Variants in FAT3 observed in about 807,000 individuals in gnomAD.
The protein encoded by FAT3 is protocadherin Fat 3.
In FAT3, 95 loss-of-function variants were observed where a neutral mutation model predicts 310.2. The observed-to-expected ratio is 0.31, with a 90% CI of 0.26 to 0.36. FAT3 has a LOEUF of 0.36. FAT3 is among the 10% of genes least tolerant of loss of function. FAT3 has a pLI of 1.00. For missense variants in FAT3, 5,408 were observed against 5,715.6 expected (o/e 0.95, Z 1.74); for synonymous variants, 2,314 against 2,192.9 (o/e 1.06, Z -1.54).
intron 2 of FAT3, among the ~76,000 whole-genome samples, chr11:92,439,631 A>C (rs1191579241): frequency 6.6e-6 from 1 of 152,062 alleles, no homozygotes; most frequent in East Asian, 1.9e-4. Context: ...TAGACCTGCT[A>C]AAGGCCAGGC....
intron 2 of FAT3, among the ~76,000 whole-genome samples, chr11:92,359,586 G>A (rs1045505884): frequency 1.3e-4 from 20 of 148,694 alleles, no homozygotes; most frequent in Non-Finnish European, 2.2e-4. Flanking sequence ...CCACTAACTC[G>A]TCATCTAGCC....
At chr11:92,363,203 G>A (rs1948924742) in intron 2 of FAT3, among the ~76,000 whole-genome samples, 1 of 152,130 alleles carries the variant, frequency 6.6e-6, no homozygotes, top group African/African-American at 2.4e-5. Context: ...TAGTTCAATT[G>A]AAGAACTGTT....
chr11:92,844,429 A>G lies in FAT3; in HGVS notation c.11062A>G (p.Ile3688Val), dbSNP rs912895935. ...LTQKQDSLRI[I>V]SIQPVAGTNQ... ...CCAGAAGCAGGACAGCCTGCGCATC[A>G]TCAGCATCCAGCCCGTGGCAGGCAC... The change falls in exon 19 of 28, where the codon ATC becomes GTC. Residue 3688 changes from isoleucine (I) to valine (V), a missense_variant. Ile to Val is a conservative substitution (Grantham distance 29). Coordinates refer to ENST00000525166, the MANE Select transcript of FAT3 (RefSeq NM_001367949.2). 13 of 1,613,906 alleles carry G rather than the reference A, an allele frequency of 8.1e-6. No homozygotes were observed. Among genetic ancestry groups the G allele is most frequent in the African/African-American group, 1.3e-5 (1 of 74,946 alleles).
intron 2 of FAT3, among the ~76,000 whole-genome samples, chr11:92,513,785 G>GT (rs1953386725): frequency 1.3e-5 from 2 of 152,134 alleles, no homozygotes; most frequent in African/African-American, 4.8e-5. Context: ...TTTTAAGATT[G>GT]TTTTTAATGG....
chr11:92,731,369 A>G lies in FAT3; in HGVS notation c.3670-30487A>G, dbSNP rs185476027. On this transcript the variant is annotated intron_variant, in intron 4 of 27. Coordinates refer to ENST00000525166, the MANE Select transcript of FAT3 (RefSeq NM_001367949.2). ...AAAAGGATGGTGCCAGCCATCCTACAGGACAGCCCCCACAACAAAATTATA... is the reference window on the plus strand; with the variant it reads ...AAAAGGATGGTGCCAGCCATCCTACGGGACAGCCCCCACAACAAAATTATA... Among the ~76,000 whole-genome samples, 609 of 152,294 alleles carry G rather than the reference A, an allele frequency of 4.0e-3. 3 individuals are homozygous for G. The highest frequency in any genetic ancestry group is 5.5e-3 in the Non-Finnish European group (371 of 68,028).
rs1446605660 is a variant in FAT3 at position 92,844,374 on chromosome 11, C to A, written c.11007C>A (p.Phe3669Leu). 4 of 1,613,920 alleles carry A rather than the reference C, an allele frequency of 2.5e-6. No homozygotes were observed. The highest frequency in any genetic ancestry group is 3.4e-6 in the Non-Finnish European group (4 of 1,179,908). Residue 3669 changes from phenylalanine to leucine, a missense_variant, in exon 19 of 28, where the codon TTC becomes TTA. Phe to Leu is a conservative substitution (Grantham distance 22). This residue lies in a region of FAT3 where 4,588 missense variants were observed against 4,809.8 expected (regional missense o/e 0.95). Coordinates refer to ENST00000525166, the MANE Select transcript of FAT3 (RefSeq NM_001367949.2). ...TCGTGGGGCTGCACATGCATGGGTTCCGGCGCACCCTGCGGAATGCAGTCC... is the reference window on the plus strand; with the variant it reads ...TCGTGGGGCTGCACATGCATGGGTTACGGCGCACCCTGCGGAATGCAGTCC... Reference protein sequence around the residue: ...EDFVGLHMHGFRRTLRNAVLT... With the variant: ...EDFVGLHMHGLRRTLRNAVLT...
At chr11:92,686,033 T>G (rs1943626937) in intron 3 of FAT3, among the ~76,000 whole-genome samples, 1 of 152,178 alleles carries the variant, frequency 6.6e-6, no homozygotes, top group Non-Finnish European at 1.5e-5. Flanking sequence ...ATAAAATAAT[T>G]GCTGTGTTAC....
At chr11:92,773,991 T>C in intron 6 of FAT3, 50 bp from the exon 7 acceptor site, 1 of 1,602,916 alleles carries the variant, frequency 6.2e-7, no homozygotes, top group Non-Finnish European at 8.5e-7. Flanking sequence ...ATATAATGCA[T>C]GTAACAAGTT....
chr11:92,623,240 C>T (rs1478273947), intron 3 of FAT3, among the ~76,000 whole-genome samples: 1 of 152,174 alleles, frequency 6.6e-6, no homozygotes, highest in Non-Finnish European at 1.5e-5. Context: ...AGAAGGTATG[C>T]TTCCCCCAGT....
intron 2 of FAT3, among the ~76,000 whole-genome samples, chr11:92,479,159 G>A (rs949623580): frequency 3.4e-5 from 5 of 148,756 alleles, no homozygotes; most frequent in Admixed American, 1.4e-4. Context: ...GTATCACCAC[G>A]GCCAGCTATT....
At chr11:92,779,500 G>A (rs935158450) in intron 7 of FAT3, among the ~76,000 whole-genome samples, 3 of 151,964 alleles carry the variant, frequency 2.0e-5, no homozygotes, top group Non-Finnish European at 4.4e-5. Flanking sequence ...AATGGGATGA[G>A]TATAACAGAC....
At chr11:92,704,605 A>T (rs1337378980) in intron 4 of FAT3, among the ~76,000 whole-genome samples, 1 of 152,186 alleles carries the variant, frequency 6.6e-6, no homozygotes, top group Non-Finnish European at 1.5e-5. Context: ...TTGGACACAG[A>T]TATGTACAGA....
At chr11:92,865,902 C>A (rs141986663) in intron 21 of FAT3, among the ~76,000 whole-genome samples, 1 of 152,184 alleles carries the variant, frequency 6.6e-6, no homozygotes, top group Non-Finnish European at 1.5e-5. Flanking sequence ...GCACTCACAG[C>A]AGCAGGCTGG....
chr11:92,469,360 C>T (rs931399493), intron 2 of FAT3, among the ~76,000 whole-genome samples: 24 of 152,118 alleles, frequency 1.6e-4, no homozygotes, highest in African/African-American at 5.3e-4. Flanking sequence ...TAAGCTGATT[C>T]GCCATCTGTC....
chr11:92,374,089 CT>C (rs1245836734), intron 2 of FAT3, among the ~76,000 whole-genome samples: 1 of 150,478 alleles, frequency 6.6e-6, no homozygotes, highest in East Asian at 1.9e-4. Context: ...TTTGTTCTAT[CT>C]GGGTCCCTCT....
intron 1 of FAT3, among the ~76,000 whole-genome samples, chr11:92,336,839 T>C (rs1948098781): frequency 6.6e-6 from 1 of 152,232 alleles, no homozygotes; most frequent in South Asian, 2.1e-4. Flanking sequence ...TATATGACTT[T>C]CATCTAAGAT....
intron 6 of FAT3, among the ~76,000 whole-genome samples, chr11:92,771,393 C>T (rs540560667): frequency 6.6e-6 from 1 of 151,938 alleles, no homozygotes; most frequent in African/African-American, 2.4e-5. Flanking sequence ...GATATGGAGT[C>T]GTTTATGAAA....
intron 2 of FAT3, among the ~76,000 whole-genome samples, chr11:92,372,378 G>A (rs1233283098): frequency 6.6e-6 from 1 of 151,696 alleles, no homozygotes; most frequent in Non-Finnish European, 1.5e-5. Flanking sequence ...AGATCTCGGT[G>A]TTGCACAAAC....
At chr11:92,754,848 C>G (rs894278243) in intron 4 of FAT3, among the ~76,000 whole-genome samples, 3 of 151,530 alleles carry the variant, frequency 2.0e-5, no homozygotes, top group African/African-American at 7.3e-5. Flanking sequence ...AGCCTGGCAA[C>G]AGAGCGAGAC....
Sources: allele counts gnomAD v4.1 joint callset (sites outside exome capture counted in the v4.1 genomes callset), GRCh38; gene constraint gnomAD v4.1.1; regional missense constraint gnomAD v4.1.1; transcripts MANE v1.5; gene names NCBI Gene and HGNC (gene_info 2026-07-23, HGNC 2026-07-21).